DCC: variants seen among roughly 807,000 people sequenced by gnomAD.
DCC encodes the protein netrin receptor DCC.
A neutral mutation model predicts 172.5 loss-of-function variants in DCC; 58 were observed. That is an observed-to-expected ratio of 0.34 (90% CI 0.27 to 0.42). The LOEUF is 0.42. DCC is among the 10% of genes least tolerant of loss of function. The pLI is 1.00. For synonymous variants in DCC, 709 were observed against 644.5 expected (o/e 1.10, Z -1.52); for missense variants, 1,740 against 1,791.0 (o/e 0.97, Z 0.51).
At chr18:53,086,680 C>T (rs2042915592) in intron 7 of DCC, among the ~76,000 whole-genome samples, 1 of 122,306 alleles carries the variant, frequency 8.2e-6, no homozygotes, top group South Asian at 2.7e-4. Context: ...ATACATGTGC[C>T]ATGCTAGTGC....
intron 2 of DCC, among the ~76,000 whole-genome samples, chr18:52,785,837 T>C (rs1251236501): frequency 6.6e-6 from 1 of 152,080 alleles, no homozygotes; most frequent in Non-Finnish European, 1.5e-5. Context: ...TAAGGCATGT[T>C]TAAACTTTCT....
chr18:53,053,035 C>G (rs1012784666), intron 5 of DCC, among the ~76,000 whole-genome samples: 4 of 151,946 alleles, frequency 2.6e-5, no homozygotes, highest in African/African-American at 7.2e-5. Context: ...CCCAGCTACT[C>G]GGAAGGCTGA....
intron 7 of DCC, among the ~76,000 whole-genome samples, chr18:53,101,814 TGTGTGTGTGTGTATTTGTGTGTGTGTGC>T (rs1287641938): frequency 2.6e-5 from 3 of 116,742 alleles, no homozygotes; most frequent in Non-Finnish European, 5.5e-5. Flanking sequence ...TGTGTGTGTG[TGTGTGTGTGTGTATTTGTGTGTGTGTGC>T]GTGTGCGTGT....
chr18:52,816,712 T>C (rs2038305642), intron 2 of DCC: 1 of 152,120 alleles, frequency 6.6e-6, no homozygotes, highest in Non-Finnish European at 1.5e-5. Context: ...TGGATGACAC[T>C]CGCTAGAGAG....
intron 7 of DCC, among the ~76,000 whole-genome samples, chr18:53,084,011 G>A (rs2144144387): frequency 6.6e-6 from 1 of 152,286 alleles, no homozygotes; most frequent in South Asian, 2.1e-4. Context: ...TAAGGGAGTA[G>A]TGTCTTAGTC....
intron 21 of DCC, among the ~76,000 whole-genome samples, chr18:53,421,220 T>A (rs879356178): frequency 6.6e-6 from 1 of 152,328 alleles, no homozygotes; most frequent in South Asian, 2.1e-4. Context: ...GATGTCTTTG[T>A]ATGAAAATCG....
chr18:52,757,920 C>G (rs931736752), intron 2 of DCC, among the ~76,000 whole-genome samples: 1 of 152,114 alleles, frequency 6.6e-6, no homozygotes, highest in African/African-American at 2.4e-5. Flanking sequence ...TATCACTTTG[C>G]TTCTCAATCT....
intron 26 of DCC, among the ~76,000 whole-genome samples, chr18:53,495,771 G>A (rs1229126880): frequency 6.6e-6 from 1 of 152,142 alleles, no homozygotes; most frequent in Non-Finnish European, 1.5e-5. Flanking sequence ...CGTAGATTTG[G>A]TCTTTTCATA....
At chr18:53,436,613 C>T (rs1911957938) in intron 22 of DCC, among the ~76,000 whole-genome samples, 1 of 152,156 alleles carries the variant, frequency 6.6e-6, no homozygotes, top group African/African-American at 2.4e-5. Flanking sequence ...TATCTCTCCT[C>T]TGGCCAATGG....
At chr18:53,296,179 G>A (rs1262540304) in intron 12 of DCC, among the ~76,000 whole-genome samples, 2 of 152,148 alleles carry the variant, frequency 1.3e-5, no homozygotes, top group South Asian at 4.1e-4. Flanking sequence ...ACTGTACGTG[G>A]TCTTGCTTCC....
chr18:52,351,781 T>C (rs976255882), intron 1 of DCC, among the ~76,000 whole-genome samples: 3 of 152,220 alleles, frequency 2.0e-5, no homozygotes, highest in Admixed American at 6.5e-5. Flanking sequence ...ATGATCCTTT[T>C]CTATGCATTT....
Position 53,205,259 on chromosome 18 carries a change from C to T in DCC, c.1617C>T (p.Thr539=), listed in dbSNP as rs1053039137. Reference sequence around the variant, plus strand: ...TAGAAAACCTGCAAGCTGTATCTACCTCACCTACCTCAATTCTTATTACCT... The same window carrying T: ...TAGAAAACCTGCAAGCTGTATCTACTTCACCTACCTCAATTCTTATTACCT... The part of the protein sequence containing the change: ...GPVENLQAVS[T]SPTSILITWE... The change falls in exon 10 of 29, where the codon ACC becomes ACT. Residue 539 remains threonine, a synonymous_variant. Transcript: ENST00000442544. 1.9e-6 allele frequency: 3 copies of T among 1,613,182 alleles called. No individual in the cohort carries two copies. The highest frequency in any genetic ancestry group is 1.7e-6 in the Non-Finnish European group (2 of 1,179,244).
At chr18:53,165,481 G>C (rs1443733402) in intron 8 of DCC, among the ~76,000 whole-genome samples, 1 of 152,116 alleles carries the variant, frequency 6.6e-6, no homozygotes, top group Non-Finnish European at 1.5e-5. Flanking sequence ...TATTGTGATG[G>C]AAAAAGAACA....
At chr18:52,905,391 A>G (rs1399524986) in intron 2 of DCC, among the ~76,000 whole-genome samples, 1 of 152,208 alleles carries the variant, frequency 6.6e-6, no homozygotes, top group African/African-American at 2.4e-5. Context: ...TAGGTGGCTC[A>G]ACTAGTCTAG....
At chr18:53,306,057 C>A (rs1396753828) in intron 13 of DCC, among the ~76,000 whole-genome samples, 1 of 152,058 alleles carries the variant, frequency 6.6e-6, no homozygotes, top group Non-Finnish European at 1.5e-5. Context: ...TGAAATTGTT[C>A]CAATTTCAAT....
intron 1 of DCC, among the ~76,000 whole-genome samples, chr18:52,462,047 A>G (rs893425911): frequency 6.6e-6 from 1 of 152,088 alleles, no homozygotes; most frequent in South Asian, 2.1e-4. Context: ...TTCACACCCC[A>G]TATCTAATCC....
chr18:53,393,556 C>T (rs1908712244), intron 17 of DCC, among the ~76,000 whole-genome samples: 1 of 152,086 alleles, frequency 6.6e-6, no homozygotes, highest in African/African-American at 2.4e-5. Flanking sequence ...TATAGATTAC[C>T]CAATTCTCTA....
intron 7 of DCC, among the ~76,000 whole-genome samples, chr18:53,085,976 T>C (rs535705749): frequency 4.5e-5 from 3 of 66,396 alleles, no homozygotes; most frequent in Non-Finnish European, 8.5e-5. Context: ...TTCTTCTTCT[T>C]CTTCTTCTTC....
intron 12 of DCC, among the ~76,000 whole-genome samples, chr18:53,265,169 A>G (rs1036015281): frequency 2.6e-5 from 4 of 152,130 alleles, no homozygotes; most frequent in Non-Finnish European, 5.9e-5. Flanking sequence ...TTTCTTCCCA[A>G]ATGCTAGCTA....
Sources: allele counts gnomAD v4.1 joint callset (sites outside exome capture counted in the v4.1 genomes callset), GRCh38; gene constraint gnomAD v4.1.1; transcripts MANE v1.5; gene names NCBI Gene and HGNC (gene_info 2026-07-23, HGNC 2026-07-21).